Variants in ZBTB10 observed in about 807,000 individuals in gnomAD.
ZBTB10 encodes zinc finger and BTB domain containing 10.
Under a neutral mutation model 76.4 loss-of-function variants are expected in ZBTB10, and 32 were observed. The observed-to-expected ratio is 0.42, with a 90% confidence interval of 0.32 to 0.56. The LOEUF is 0.56. Among genes scored for constraint, ZBTB10 ranks in the 20% least tolerant of loss-of-function variants. The pLI is 0.14. For missense variants in ZBTB10, 1,057 were observed against 1,098.5 expected (o/e 0.96, Z 0.53); for synonymous variants, 523 against 432.9 (o/e 1.21, Z -2.58).
intron 2 of ZBTB10, among the ~76,000 whole-genome samples, chr8:80,512,778 TC>T (rs1184954315): frequency 6.6e-6 from 1 of 152,154 alleles, no homozygotes. Context: ...TTCTCACACT[TC>T]CCTTTTATAG....
Position 80,486,818 on chromosome 8 carries a change from T to G in ZBTB10, c.8T>G (p.Phe3Cys), listed in dbSNP as rs1815475124. The change falls in exon 1 of 6, where the codon TTC (phenylalanine) becomes TGC (cysteine). Residue 3 changes from phenylalanine (F) to cysteine (C), a missense_variant. Phe to Cys is a radical substitution (Grantham distance 205, BLOSUM62 -2). This residue lies in a region of ZBTB10 where 556 missense variants were observed against 451.7 expected (regional missense o/e 1.23). Transcript: ENST00000455036. MS[F>C]SEMNRRTLAF... The stretch of plus-strand genomic sequence containing the variant: ...GCGGCGGCGGCGCGCGCCATGTCGT[T>G]CAGTGAAATGAACCGCAGGACGCTG... The G allele has an allele frequency of 2.0e-6, 3 of 1,469,108 alleles. No homozygotes were observed. The highest frequency in any genetic ancestry group is 2.7e-6 in the Non-Finnish European group (3 of 1,113,826). 91.0% of individuals were successfully genotyped at this position (1,469,108 alleles called of 1,614,324 possible). A position where few individuals can be genotyped will look rare whatever the true frequency, so the allele number is the denominator to read the frequency against.
At chr8:80,495,706 G>A (rs1815766018) in intron 1 of ZBTB10, among the ~76,000 whole-genome samples, 1 of 151,938 alleles carries the variant, frequency 6.6e-6, no homozygotes, top group African/African-American at 2.4e-5. Context: ...GTAAAGTTAG[G>A]ACTTTTCAAG....
chr8:80,486,432 A>AG lies in ZBTB10; in HGVS notation c.-374dup. 1.0e-6 allele frequency: 1 copy of AG among 984,400 alleles called. No individual in the cohort carries two copies. The highest frequency in any genetic ancestry group is 1.2e-4 in the East Asian group (1 of 8,584). The allele number at this position is 984,400 out of a possible 1,614,324, so 61.0% of individuals were successfully genotyped here. On this transcript the variant is annotated 5_prime_UTR_variant, in exon 1 of 6. Coordinates refer to ENST00000455036, the MANE Select transcript of ZBTB10 (RefSeq NM_001105539.3). ...GGTGTGTGCGCGCGCGGCTTTAAAGAGGGGGCAGCGGAGGGTCTCCCCGCA... is the reference window on the plus strand; with the variant it reads ...GGTGTGTGCGCGCGCGGCTTTAAAGAGGGGGGCAGCGGAGGGTCTCCCCGCA...
At chr8:80,515,544 G>A (rs1816305553) in intron 3 of ZBTB10, among the ~76,000 whole-genome samples, 1 of 152,178 alleles carries the variant, frequency 6.6e-6, no homozygotes, top group African/African-American at 2.4e-5. Context: ...CGTACAGAAA[G>A]TTGCTAACCG....
At chr8:80,490,807 C>A (rs964710318) in intron 1 of ZBTB10, among the ~76,000 whole-genome samples, 1 of 152,146 alleles carries the variant, frequency 6.6e-6, no homozygotes, top group Non-Finnish European at 1.5e-5. Flanking sequence ...GGAATTTGGC[C>A]ACATCTTAAC....
chr8:80,512,663 G>A (rs1401506430), intron 2 of ZBTB10, among the ~76,000 whole-genome samples: 2 of 152,122 alleles, frequency 1.3e-5, no homozygotes, highest in Non-Finnish European at 2.9e-5. Context: ...AGTGAGCTGA[G>A]ATCGTGCCAC....
At chr8:80,490,614 A>G (rs1198330479) in intron 1 of ZBTB10, among the ~76,000 whole-genome samples, 1 of 152,166 alleles carries the variant, frequency 6.6e-6, no homozygotes, top group Non-Finnish European at 1.5e-5. Context: ...GGTTCTTTGA[A>G]CATTCTGAGC....
At chr8:80,499,052 A>G (rs983430336) in intron 1 of ZBTB10, among the ~76,000 whole-genome samples, 1 of 152,232 alleles carries the variant, frequency 6.6e-6, no homozygotes, top group Non-Finnish European at 1.5e-5. Context: ...TTAATGGTAG[A>G]TAGGGTGATA....
intron 2 of ZBTB10, among the ~76,000 whole-genome samples, chr8:80,507,754 C>T (rs1287666723): frequency 6.6e-6 from 1 of 152,084 alleles, no homozygotes; most frequent in African/African-American, 2.4e-5. Context: ...GGCCACCACT[C>T]TTGGCTAATT....
chr8:80,514,837 T>A (rs1334590284), intron 3 of ZBTB10, among the ~76,000 whole-genome samples: 1 of 152,250 alleles, frequency 6.6e-6, no homozygotes, highest in African/African-American at 2.4e-5. Context: ...CCACCTGGCA[T>A]ACAACATTTC....
chr8:80,497,019 A>G (rs1280819378), intron 1 of ZBTB10, among the ~76,000 whole-genome samples: 3 of 152,192 alleles, frequency 2.0e-5, no homozygotes, highest in Admixed American at 2.0e-4. Flanking sequence ...TGTAATTTCT[A>G]TAGAGAGCAT....
In ZBTB10 at chr8:80,487,355, A is replaced by G. The variant is rs1309783273; in HGVS notation, c.545A>G (p.Asp182Gly). 1 of 1,529,472 alleles carries G rather than the reference A, an allele frequency of 6.5e-7. No homozygotes were observed. Among genetic ancestry groups the G allele is most frequent in the Non-Finnish European group, 8.8e-7 (1 of 1,135,262 alleles). 94.7% of individuals were successfully genotyped at this position (1,529,472 alleles called of 1,614,324 possible). A position where few individuals can be genotyped will look rare whatever the true frequency, so the allele number is the denominator to read the frequency against. Residue 182 changes from aspartate (D) to glycine (G), a missense_variant, in exon 1 of 6, where the codon GAC becomes GGC. Physicochemically the swap from Asp to Gly is moderately conservative, Grantham distance 94. Around this residue, in one of 5 missense-constraint regions of ZBTB10, gnomAD observed 556 missense variants for 451.7 expected, o/e 1.23. Coordinates refer to ENST00000455036, the MANE Select transcript of ZBTB10 (RefSeq NM_001105539.3). ...ELMQDGASLS[D>G]STEDEEEGAS... ...ATGCAGGACGGCGCGTCCCTGAGCGACAGCACCGAGGACGAGGAGGAGGGG... is the reference window on the plus strand; with the variant it reads ...ATGCAGGACGGCGCGTCCCTGAGCGGCAGCACCGAGGACGAGGAGGAGGGG...
chr8:80,510,336 A>G (rs1301964111), intron 2 of ZBTB10, among the ~76,000 whole-genome samples: 1 of 152,148 alleles, frequency 6.6e-6, no homozygotes, highest in Non-Finnish European at 1.5e-5. Flanking sequence ...GGTGCTTGTG[A>G]TAAACTGTCA....
chr8:80,486,062 C>A, upstream of ZBTB10: 1 of 1,069,918 alleles, frequency 9.3e-7, no homozygotes, highest in Non-Finnish European at 1.3e-6. Flanking sequence ...CCCCCGCCCC[C>A]AGGCCGGAGG....
rs1816471193 is a variant in ZBTB10 at position 80,522,554 on chromosome 8, A to T, written c.*3026A>T. The T allele has an allele frequency of 6.6e-6, 1 of 151,872 alleles. No homozygotes were observed. Among genetic ancestry groups the T allele is most frequent in the South Asian group, 2.1e-4 (1 of 4,834 alleles). 9.4% of individuals were successfully genotyped at this position (151,872 alleles called of 1,614,324 possible). A position where few individuals can be genotyped will look rare whatever the true frequency, so the allele number is the denominator to read the frequency against. On this transcript the variant is annotated 3_prime_UTR_variant, in exon 6 of 6. Transcript: ENST00000455036. ...TTAGCACACTAGCAATTAAGAGTTT[A>T]AAAAAGAAGAAACGTTATAGGAAAG...
Position 80,487,038 on chromosome 8 carries a change from C to G in ZBTB10, c.228C>G (p.Asp76Glu). 4.6e-6 allele frequency: 7 copies of G among 1,520,394 alleles called. No individual in the cohort carries two copies. The South Asian group carries it at 7.3e-5, about 16-fold the overall frequency. The allele number at this position is 1,520,394 out of a possible 1,614,324, so 94.2% of individuals were successfully genotyped here. The stretch of plus-strand genomic sequence containing the variant: ...AATTGGAGGGCCTGGAGCCCCAAGA[C>G]CTGGAGGCCTCCGCCGGGCCGGCCG... ...EVELEGLEPQ[D>E]LEASAGPAAG... The change falls in exon 1 of 6, where the codon GAC becomes GAG. Residue 76 changes from aspartate (D) to glutamate (E), a missense_variant. Transcript: ENST00000455036.
rs772725189 is a variant in ZBTB10 at position 80,519,253 on chromosome 8, A to G, written c.2341A>G (p.Met781Val). Residue 781 changes from methionine to valine, a missense_variant, in exon 6 of 6, where the codon ATG (methionine) becomes GTG (valine). Met to Val is a conservative substitution (Grantham distance 21, BLOSUM62 1). This residue lies in a region of ZBTB10 where 54 missense variants were observed against 138.1 expected (regional missense o/e 0.39). Transcript: ENST00000455036. ...VHKKDKKYKCMVCKKIFMLAA... is the reference protein window; with the variant it reads ...VHKKDKKYKCVVCKKIFMLAA... ...TAAAAAGGATAAAAAATACAAATGTATGGTGTGTAAGAAGATCTTCATGTT... is the reference window on the plus strand; with the variant it reads ...TAAAAAGGATAAAAAATACAAATGTGTGGTGTGTAAGAAGATCTTCATGTT... The G allele has an allele frequency of 3.3e-5, 54 of 1,613,610 alleles. No homozygotes were observed. Among genetic ancestry groups the G allele is most frequent in the Non-Finnish European group, 4.3e-5 (51 of 1,179,740 alleles).
At chr8:80,517,457 A>G (rs1265279266) in intron 3 of ZBTB10, among the ~76,000 whole-genome samples, 1 of 152,224 alleles carries the variant, frequency 6.6e-6, no homozygotes, top group African/African-American at 2.4e-5. Context: ...CCTTAGGCAC[A>G]TGTATTATTC....
chr8:80,516,309 T>C (rs958200446), intron 3 of ZBTB10, among the ~76,000 whole-genome samples: 2 of 152,252 alleles, frequency 1.3e-5, no homozygotes, highest in Non-Finnish European at 2.9e-5. Flanking sequence ...TTTCCAAGTA[T>C]TTTGAGCAAG....
Sources: allele counts gnomAD v4.1 joint callset (sites outside exome capture counted in the v4.1 genomes callset), GRCh38; gene constraint gnomAD v4.1.1; regional missense constraint gnomAD v4.1.1; transcripts MANE v1.5; gene names NCBI Gene and HGNC (gene_info 2026-07-23, HGNC 2026-07-21).